DYNC1H1: variants seen among roughly 807,000 people sequenced by gnomAD.
DYNC1H1 encodes the protein dynein cytoplasmic 1 heavy chain 1, also known as cytoplasmic dynein 1 heavy chain 1.
A neutral mutation model predicts 527.1 loss-of-function variants in DYNC1H1; 51 were observed. The ratio of observed to expected loss-of-function variants is 0.10; its 90% CI spans 0.08 to 0.12. The LOEUF (loss-of-function observed/expected upper bound fraction) is 0.12. Among genes scored for constraint, DYNC1H1 ranks in the 10% least tolerant of loss-of-function variants. The pLI, the probability that DYNC1H1 is intolerant of heterozygous loss-of-function variation, is 1.00. For synonymous variants in DYNC1H1, 2,189 were observed against 2,278.8 expected (o/e 0.96, Z 1.12); for missense variants, 2,771 against 5,971.8 (o/e 0.46, Z 17.66).
rs112334187 is a variant in DYNC1H1, at chr14:102,033,811, G to A, written c.10414-165G>A. On this transcript the variant is annotated intron_variant, in intron 54 of 77. Coordinates refer to ENST00000360184, the MANE Select transcript of DYNC1H1 (RefSeq NM_001376.5). The surrounding 1 kb of genome is among the most constrained non-coding windows in gnomAD (Gnocchi z 5.6). Reference sequence around the variant, plus strand: ...GATTCTGAGTCGTGTGTGGTCATTAGTTATATATGATCTGGGTCTCATCTC... The same window carrying A: ...GATTCTGAGTCGTGTGTGGTCATTAATTATATATGATCTGGGTCTCATCTC... 31 of 770,126 alleles carry A rather than the reference G, an allele frequency of 4.0e-5. 1 individual carries two copies. The highest frequency in any genetic ancestry group is 4.0e-4 in the African/African-American group (23 of 58,092). 47.7% of individuals were successfully genotyped at this position (770,126 alleles called of 1,614,324 possible).
intron 72 of DYNC1H1, among the ~76,000 whole-genome samples, chr14:102,046,084 CGTGAACCCGGGAGGGGGA>C (rs2048713781): frequency 6.6e-6 from 1 of 151,548 alleles, no homozygotes; most frequent in Non-Finnish European, 1.5e-5. Flanking sequence ...AGGAGAATGG[CGTGAACCCGGGAGGGGGA>C]GCTTGCAGTG....
rs1363737625 is a variant in DYNC1H1, at chr14:102,054,876, A to G, written c.*4313A>G. ...GAGCCACCACTCCTGGCCCTCTTGT[A>G]TTTTTTTGTAGAGACAGGGTTTTGC... On this transcript the variant is annotated 3_prime_UTR_variant, in exon 78 of 78. Transcript: ENST00000360184. 3 of 149,230 alleles carry G rather than the reference A, an allele frequency of 2.0e-5. No individual in the cohort carries two copies. The highest frequency in any genetic ancestry group is 7.4e-5 in the African/African-American group (3 of 40,296). 9.2% of individuals were successfully genotyped at this position (149,230 alleles called of 1,614,324 possible).
intron 16 of DYNC1H1, among the ~76,000 whole-genome samples, chr14:101,999,434 C>T (rs142480983): frequency 2.5e-4 from 38 of 152,320 alleles, no homozygotes; most frequent in Admixed American, 5.9e-4. Flanking sequence ...TTAGCCACCA[C>T]GTCCAGCCTA....
Position 101,979,900 on chromosome 14 carries a change from G to C in DYNC1H1, c.700G>C (p.Asp234His). 1 of 1,614,214 alleles carries C rather than the reference G, an allele frequency of 6.2e-7. No homozygotes were observed. Among genetic ancestry groups the C allele is most frequent in the South Asian group, 1.1e-5 (1 of 91,088 alleles). The stretch of plus-strand genomic sequence containing the variant: ...AAAGCCAAAAGTTACAGACTTTGGT[G>C]ATAAGGTTGAAGACCCAACATTTCT... The part of the protein sequence containing the change: ...GEKPKVTDFG[D>H]KVEDPTFLNQ... The change falls in exon 4 of 78, where the codon GAT becomes CAT. Residue 234 changes from aspartate (D) to histidine (H), a missense_variant. By Grantham distance (81) the Asp-to-His change is moderately conservative. Coordinates refer to ENST00000360184, the MANE Select transcript of DYNC1H1 (RefSeq NM_001376.5). The surrounding 1 kb of genome is among the most constrained non-coding windows in gnomAD (Gnocchi z 4.6).
Position 102,020,061 on chromosome 14 carries a change from GGGAAGCCGA to G in DYNC1H1, c.8507+9_8507+17del, listed in dbSNP as rs2048367581. Reference sequence around the variant, plus strand: ...TCTGCGTCTCTTCCAAGATAGGTAAGGGAAGCCGAGGATCCAGTTGGTCCCATTCTCCCC... The same window carrying G: ...TCTGCGTCTCTTCCAAGATAGGTAAGGGATCCAGTTGGTCCCATTCTCCCC... On this transcript the variant is annotated splice_donor_region_variant and intron_variant, in intron 42 of 77. Coordinates refer to ENST00000360184, the MANE Select transcript of DYNC1H1 (RefSeq NM_001376.5). This position sits in a 1 kb window ranked among gnomAD's most constrained non-coding sequence, Gnocchi z 4.3. 6.2e-7 allele frequency: 1 copy of G among 1,614,036 alleles called. No homozygotes were observed. Among genetic ancestry groups the G allele is most frequent in the African/African-American group, 1.3e-5 (1 of 75,056 alleles).
At chr14:102,030,403 A>G (rs2048497280) in intron 51 of DYNC1H1, 121 bp downstream of exon 51, 1 of 1,465,118 alleles carries the variant, frequency 6.8e-7, no homozygotes, top group Non-Finnish European at 9.4e-7. Context: ...GTTTCCAAAA[A>G]TATCATTAGT....
At chr14:102,034,656 T>G (rs2048550910) in intron 56 of DYNC1H1, 2 of 857,780 alleles carry the variant, frequency 2.3e-6, no homozygotes, top group East Asian at 2.7e-5. Flanking sequence ...AGTGAATGCT[T>G]CTTGTAACCT....
chr14:101,974,931 C>G (rs939957618), intron 1 of DYNC1H1, among the ~76,000 whole-genome samples: 1 of 152,178 alleles, frequency 6.6e-6, no homozygotes, highest in Non-Finnish European at 1.5e-5. Context: ...GAGGAAGATA[C>G]ATTCATAAGT....
At position 102,049,285 on chromosome 14, in the gene DYNC1H1, C is replaced by A. The variant is rs1262123749; in HGVS notation, c.13373-155C>A. The A allele has an allele frequency of 3.7e-6, 4 of 1,066,728 alleles. No homozygotes were observed. The highest frequency in any genetic ancestry group is 5.5e-6 in the Non-Finnish European group (4 of 722,074). 66.1% of individuals were successfully genotyped at this position (1,066,728 alleles called of 1,614,324 possible). On this transcript the variant is annotated intron_variant, in intron 74 of 77. Coordinates refer to ENST00000360184, the MANE Select transcript of DYNC1H1 (RefSeq NM_001376.5). This position sits in a 1 kb window ranked among gnomAD's most constrained non-coding sequence, Gnocchi z 5.5. ...TAGAGCAGATGTGGTGAGGGCGGCG[C>A]CAGGGGCATAAAGTGCAGCCTGGGA...
rs578136296 is a variant in DYNC1H1, at chr14:101,988,647, C to T, written c.2719-56C>T. The T allele has an allele frequency of 2.0e-4, 322 of 1,611,874 alleles. No individual in the cohort carries two copies. The Middle Eastern group carries it at 2.3e-3, about 12-fold the overall frequency. ...CACCTACCACTTTCTGATTGACTTG[C>T]TTTGTGAGCTAACTTTTAGAAGAAA... On this transcript the variant is annotated intron_variant, in intron 9 of 77. Coordinates refer to ENST00000360184, the MANE Select transcript of DYNC1H1 (RefSeq NM_001376.5).
At chr14:102,023,214 C>T (rs2048407404) in intron 43 of DYNC1H1, 1 of 370,904 alleles carries the variant, frequency 2.7e-6, no homozygotes, top group East Asian at 6.8e-5. Context: ...CATACTGCAG[C>T]CTGGGTAAAA....
intron 64 of DYNC1H1, 141 bp downstream of exon 64, chr14:102,040,814 C>A: frequency 2.0e-6 from 2 of 1,023,818 alleles, no homozygotes; most frequent in Non-Finnish European, 3.0e-6. Flanking sequence ...AAAACCTTAG[C>A]CAGGCGTGGC....
At chr14:101,998,661 G>GT (rs1372413058) in intron 16 of DYNC1H1, among the ~76,000 whole-genome samples, 1 of 151,988 alleles carries the variant, frequency 6.6e-6, no homozygotes, top group Non-Finnish European at 1.5e-5. Flanking sequence ...GCCTGTAACC[G>GT]TTTCCGTGCT....
At position 102,033,053 on chromosome 14, in the gene DYNC1H1, C is replaced by T. The variant is rs753537150; in HGVS notation, c.10080-12C>T. 9.3e-6 allele frequency: 15 copies of T among 1,608,616 alleles called. No homozygotes were observed. Among genetic ancestry groups the T allele is most frequent in the South Asian group, 4.4e-5 (4 of 90,984 alleles). ...CCTGCATGTGTTTAGAAATATCATT[C>T]GTCTTTTACAGTGACGCCATAAGGG... On this transcript the variant is annotated splice_polypyrimidine_tract_variant and intron_variant, in intron 52 of 77. Coordinates refer to ENST00000360184, the MANE Select transcript of DYNC1H1 (RefSeq NM_001376.5). This position sits in a 1 kb window ranked among gnomAD's most constrained non-coding sequence, Gnocchi z 5.6.
At chr14:102,028,249 T>G (rs4906173) in intron 48 of DYNC1H1, 108 bp downstream of exon 48, 3 of 1,332,932 alleles carry the variant, frequency 2.3e-6, no homozygotes, top group Non-Finnish European at 3.2e-6. Flanking sequence ...CAGTGACTCA[T>G]GCCTGTAATC....
In DYNC1H1 at chr14:101,964,598, C is replaced by T. The variant is rs960762590; in HGVS notation, c.-94C>T. On this transcript the variant is annotated 5_prime_UTR_variant, in exon 1 of 78. Coordinates refer to ENST00000360184, the MANE Select transcript of DYNC1H1 (RefSeq NM_001376.5). This position sits in a 1 kb window ranked among gnomAD's most constrained non-coding sequence, Gnocchi z 5.5. The stretch of plus-strand genomic sequence containing the variant: ...AGTCTGCGGTGGGCTAGCGGACGGT[C>T]CGGCTTCCGGCGGCCGTTTCTGTCT... 68 of 1,528,684 alleles carry T rather than the reference C, an allele frequency of 4.4e-5. No individual in the cohort carries two copies. Among genetic ancestry groups the T allele is most frequent in the East Asian group, 7.4e-5 (3 of 40,682 alleles). 94.7% of individuals were successfully genotyped at this position (1,528,684 alleles called of 1,614,324 possible).
chr14:102,042,201 T>G lies in DYNC1H1; in HGVS notation c.12215-27T>G. On this transcript the variant is annotated intron_variant, in intron 66 of 77. Coordinates refer to ENST00000360184, the MANE Select transcript of DYNC1H1 (RefSeq NM_001376.5). The surrounding 1 kb of genome is among the most constrained non-coding windows in gnomAD (Gnocchi z 5.7). ...GGGCATTGATGTCCGAGGCTGCCGC[T>G]GCTAACACTAAGTTTCCCTGCACCA... 1.9e-6 allele frequency: 3 copies of G among 1,614,062 alleles called. No homozygotes were observed. The highest frequency in any genetic ancestry group is 1.7e-5 in the Admixed American group (1 of 59,984).
Position 102,049,421 on chromosome 14 carries a change from CTG to C in DYNC1H1, c.13373-14_13373-13del. On this transcript the variant is annotated splice_polypyrimidine_tract_variant and intron_variant, in intron 74 of 77. Coordinates refer to ENST00000360184, the MANE Select transcript of DYNC1H1 (RefSeq NM_001376.5). The surrounding 1 kb of genome is among the most constrained non-coding windows in gnomAD (Gnocchi z 5.5). ...GTTGTGAGAGCTGACACCCTGGGCT[CTG>C]TGTGCCTTGGCTGCAGGGATCTTGC... 6.2e-7 allele frequency: 1 copy of C among 1,613,774 alleles called. No individual in the cohort carries two copies.
At position 102,012,503 on chromosome 14, in the gene DYNC1H1, A is replaced by G. The variant is rs1193156139; in HGVS notation, c.7014+33A>G. ...GCCTTTTGTATGTCGTCAACTGAATAATTCCTTTTGGCCAACTAAACTTCG... is the reference window on the plus strand; with the variant it reads ...GCCTTTTGTATGTCGTCAACTGAATGATTCCTTTTGGCCAACTAAACTTCG... On this transcript the variant is annotated intron_variant, in intron 34 of 77. Transcript: ENST00000360184. This position sits in a 1 kb window ranked among gnomAD's most constrained non-coding sequence, Gnocchi z 4.9. 6.2e-7 allele frequency: 1 copy of G among 1,614,020 alleles called. No individual in the cohort carries two copies. The highest frequency in any genetic ancestry group is 8.5e-7 in the Non-Finnish European group (1 of 1,180,026).
Sources: gnomAD v4.1 joint callset for allele counts (sites outside exome capture counted in the v4.1 genomes callset) on GRCh38, gnomAD v4.1.1 for gene constraint, Gnocchi (gnomAD v3.1) non-coding constraint, MANE v1.5 for transcripts, NCBI Gene and HGNC (gene_info 2026-07-23, HGNC 2026-07-21) for gene names.